GRK4: variants seen among roughly 807,000 people sequenced by gnomAD.
The protein encoded by GRK4 is G protein-coupled receptor kinase 2-like.
Under a neutral mutation model 77.9 loss-of-function variants are expected in GRK4, and 73 were observed. The observed-to-expected ratio is 0.94, with a 90% CI of 0.78 to 1.14. GRK4 has a LOEUF of 1.14. Among genes scored for constraint, GRK4 ranks in the 50% most tolerant of loss-of-function variants. GRK4 has a pLI of 0.00. For missense variants in GRK4, 729 were observed against 700.2 expected, an observed-to-expected ratio of 1.04 and a Z score of -0.46; for synonymous variants, 257 against 254.4, an observed-to-expected ratio of 1.01 and a Z score of -0.10.
rs189170722 is a variant in GRK4, at chr4:3,037,436, C to T, written c.1470C>T (p.Ile490=). The T allele has an allele frequency of 4.4e-6, 7 of 1,608,168 alleles. No individual in the cohort carries two copies. In the African/African-American group the frequency reaches 8.0e-5, roughly 18 times the overall value. Residue 490 remains isoleucine (I), a synonymous_variant, in exon 14 of 16, where the codon ATC becomes ATT. Coordinates refer to ENST00000398052, the MANE Select transcript of GRK4 (RefSeq NM_182982.3). ...AGCAGTTCTCGGTGGTGAAAGGGAT[C>T]TACCTGGACACCGCAGATGAAGACT... ...DIEQFSVVKG[I]YLDTADEDFY... is the part of the protein sequence containing the mutation.
Position 2,985,083 on chromosome 4 carries a change from A to T in GRK4, c.148+475A>T, listed in dbSNP as rs1173813327. ...GAAACACTGTTAAGTATTGTTTAGT[A>T]GCCTTCCAGACAGTTTTCTATGCAC... On this transcript the variant is annotated intron_variant, in intron 2 of 15. Transcript: ENST00000398052. Among the ~76,000 whole-genome samples the T allele has an allele frequency of 2.0e-5, 3 of 152,202 alleles. No homozygotes were observed. In the East Asian group the frequency reaches 5.8e-4, roughly 29 times the overall value.
intron 4 of GRK4, among the ~76,000 whole-genome samples, chr4:2,993,042 G>A (rs541248155): frequency 6.6e-6 from 1 of 152,064 alleles, no homozygotes; most frequent in Admixed American, 6.6e-5. Flanking sequence ...TATTATAAAT[G>A]TTCCTCTTTT....
At chr4:3,019,132 T>C (rs1304759323) in intron 8 of GRK4, among the ~76,000 whole-genome samples, 1 of 152,174 alleles carries the variant, frequency 6.6e-6, no homozygotes, top group Non-Finnish European at 1.5e-5. Context: ...CTATTAATTA[T>C]ATGAAAGGGT....
intron 1 of GRK4, among the ~76,000 whole-genome samples, chr4:2,972,509 G>A (rs749353248): frequency 2.0e-5 from 3 of 151,918 alleles, no homozygotes; most frequent in Non-Finnish European, 4.4e-5. Context: ...TCACCAGCAC[G>A]TGTGCCCCAA....
chr4:3,031,241 C>T (rs1185357051), intron 12 of GRK4, among the ~76,000 whole-genome samples: 1 of 152,062 alleles, frequency 6.6e-6, no homozygotes, highest in Non-Finnish European at 1.5e-5. Flanking sequence ...GCTGGGGAGA[C>T]GTGAGCAGGG....
At chr4:3,010,283 A>G (rs910660491) in intron 7 of GRK4, among the ~76,000 whole-genome samples, 4 of 151,936 alleles carry the variant, frequency 2.6e-5, no homozygotes, top group Non-Finnish European at 5.9e-5. Flanking sequence ...CTGGAGTGCA[A>G]TGGCGTGATC....
chr4:3,016,545 A>AT lies in GRK4; in HGVS notation c.741+2717_741+2718insT, dbSNP rs1017605837. 2.1e-4 allele frequency among the ~76,000 whole-genome samples: 29 copies of AT among 139,302 alleles called. 1 individual carries two copies. Among genetic ancestry groups the AT allele is most frequent in the Middle Eastern group, 7.5e-3 (2 of 268 alleles). 91.4% of individuals were successfully genotyped at this position (139,302 alleles called of 152,430 possible). On this transcript the variant is annotated intron_variant, in intron 8 of 15. Transcript: ENST00000398052. Reference sequence around the variant, plus strand: ...AGACTCAATCTCCAAAAAAAAAAAAAAAAAAATTAGCCAGGCATGGTGGTG... The same window carrying AT: ...AGACTCAATCTCCAAAAAAAAAAAAATAAAAAATTAGCCAGGCATGGTGGTG...
rs368881220 is a variant in GRK4, at chr4:3,029,288, A to G, written c.1148A>G (p.His383Arg). 3.2e-5 allele frequency: 51 copies of G among 1,613,920 alleles called. No homozygotes were observed. Among genetic ancestry groups the G allele is most frequent in the Non-Finnish European group, 4.2e-5 (50 of 1,179,848 alleles). ...CTGATCTATGAAATGATTCAGGGAC[A>G]TTCTCCATTCAAAAAATACAAAGAG... ...GCLIYEMIQGHSPFKKYKEKV... is the reference protein window; with the variant it reads ...GCLIYEMIQGRSPFKKYKEKV... The change falls in exon 12 of 16, where the codon CAT becomes CGT. Residue 383 changes from histidine to arginine, a missense_variant. Transcript: ENST00000398052.
intron 15 of GRK4, among the ~76,000 whole-genome samples, chr4:3,040,256 C>T (rs1011746283): frequency 6.6e-6 from 1 of 152,058 alleles, no homozygotes; most frequent in African/African-American, 2.4e-5. Flanking sequence ...ACCTGGCCAA[C>T]ATGGTGAAAC....
chr4:3,019,924 A>G, intron 9 of GRK4, 93 bp downstream of exon 9: 1 of 1,236,996 alleles, frequency 8.1e-7, no homozygotes, highest in Non-Finnish European at 1.1e-6. Flanking sequence ...TGCTTCCAGG[A>G]TGGGCAGGAG....
chr4:3,037,915 A>G (rs962695777), intron 14 of GRK4, among the ~76,000 whole-genome samples: 1 of 143,048 alleles, frequency 7.0e-6, no homozygotes, highest in African/African-American at 2.8e-5. Flanking sequence ...ACTTCGTCTC[A>G]CCCAAAAAAA....
chr4:2,970,285 T>C (rs1034953708), intron 1 of GRK4, among the ~76,000 whole-genome samples: 3 of 152,212 alleles, frequency 2.0e-5, no homozygotes, highest in East Asian at 1.9e-4. Context: ...GATTTTTATT[T>C]CTTGGTCAGT....
chr4:3,018,031 G>A (rs140752798), intron 8 of GRK4, among the ~76,000 whole-genome samples: 1 of 150,336 alleles, frequency 6.7e-6, no homozygotes, highest in East Asian at 1.9e-4. Flanking sequence ...AAGAAAAAAG[G>A]TTAAAAAAAA....
At chr4:3,007,411 C>G (rs1322755577) in intron 5 of GRK4, among the ~76,000 whole-genome samples, 1 of 151,924 alleles carries the variant, frequency 6.6e-6, no homozygotes, top group East Asian at 1.9e-4. Flanking sequence ...TGGCTTTGAC[C>G]TCTATGCTGT....
intron 15 of GRK4, 177 bp downstream of exon 15, chr4:3,038,690 C>A: frequency 1.7e-6 from 1 of 600,172 alleles, no homozygotes; most frequent in Non-Finnish European, 2.9e-6. Context: ...TGAGAACACC[C>A]TCGCAGTGAG....
chr4:2,964,123 G>C lies in GRK4; in HGVS notation c.52+1G>C, dbSNP rs1159438091. On this transcript the variant is annotated splice_donor_variant, in intron 1 of 15. Coordinates refer to ENST00000398052, the MANE Select transcript of GRK4 (RefSeq NM_182982.3). LOFTEE classifies it high-confidence loss of function. ...TCGCTGCTGCTGAAAGCGCGTCAAG[G>C]TGGGTGCGCGGCAGGCGCCCCCGAC... 5 of 1,600,716 alleles carry C rather than the reference G, an allele frequency of 3.1e-6. No homozygotes were observed. The highest frequency in any genetic ancestry group is 4.3e-6 in the Non-Finnish European group (5 of 1,176,338).
intron 1 of GRK4, among the ~76,000 whole-genome samples, chr4:2,970,743 C>T (rs1719306544): frequency 6.6e-6 from 1 of 151,552 alleles, no homozygotes; most frequent in South Asian, 2.1e-4. Flanking sequence ...GATCTCAGCT[C>T]ACTGCAAGCT....
chr4:3,014,682 A>G (rs1429474262), intron 8 of GRK4, among the ~76,000 whole-genome samples: 2 of 151,952 alleles, frequency 1.3e-5, no homozygotes, highest in African/African-American at 4.8e-5. Context: ...CTGTAGTCCC[A>G]GCTACTTGGG....
chr4:3,015,606 C>T (rs190600722), intron 8 of GRK4, among the ~76,000 whole-genome samples: 2 of 149,400 alleles, frequency 1.3e-5, no homozygotes, highest in East Asian at 2.0e-4. Context: ...ACCCCGGAGG[C>T]GGAGCTTGCA....
Sources: gnomAD v4.1 joint callset for allele counts (sites outside exome capture counted in the v4.1 genomes callset) on GRCh38, gnomAD v4.1.1 for gene constraint, MANE v1.5 for transcripts, NCBI Gene and HGNC (gene_info 2026-07-23, HGNC 2026-07-21) for gene names.